Variants in RCN2 observed in about 807,000 individuals in gnomAD.
RCN2 encodes reticulocalbin-2.
Under a neutral mutation model 37.5 loss-of-function variants are expected in RCN2, and 23 were observed. That is an observed-to-expected ratio of 0.61 (90% CI 0.44 to 0.87). RCN2 has a LOEUF of 0.87. Among genes scored for constraint, RCN2 ranks in the 40% least tolerant of loss-of-function variants. RCN2 has a pLI of 0.00. For missense variants in RCN2, 381 were observed against 390.4 expected (o/e 0.98, Z 0.20); for synonymous variants, 140 against 144.6 (o/e 0.97, Z 0.23).
chr15:76,942,081 A>AT (rs945456852), intron 3 of RCN2: 2 of 155,172 alleles, frequency 1.3e-5, no homozygotes, highest in African/African-American at 4.8e-5. Context: ...ACAAGTTATT[A>AT]TTTTTTCTTT....
intron 6 of RCN2, chr15:76,948,759 G>C: frequency 1.9e-6 from 1 of 538,618 alleles, no homozygotes; most frequent in Non-Finnish European, 3.2e-6. Flanking sequence ...TAATTTGAGA[G>C]TACAGTGAAT....
rs144591032 is a variant in RCN2 at position 76,938,470 on chromosome 15, A to G, written c.447+2748A>G. 1.0e-3 allele frequency among the ~76,000 whole-genome samples: 156 copies of G among 152,326 alleles called. 1 individual carries two copies. The highest frequency in any genetic ancestry group is 3.7e-3 in the African/African-American group (153 of 41,576). On this transcript the variant is annotated intron_variant, in intron 3 of 6. Coordinates refer to ENST00000394885, the MANE Select transcript of RCN2 (RefSeq NM_002902.3). ...CTCACAAATATGGAGGGAGGAGTGC[A>G]TAACAAATTTACTATTGTAACCATT...
At position 76,953,907 on chromosome 15, in the gene RCN2, A is replaced by G. The variant is rs2075337477; in HGVS notation, c.*4685A>G. The G allele has an allele frequency of 6.6e-6, 1 of 151,782 alleles. No individual in the cohort carries two copies. The allele number at this position is 151,782 out of a possible 1,614,324, so 9.4% of individuals were successfully genotyped here. On this transcript the variant is annotated 3_prime_UTR_variant, in exon 7 of 7. Transcript: ENST00000394885. ...CAGGCGTGAGCCACCGCGCCCGACT[A>G]GTAATTCTATTTTTAATATTTTGAG...
rs1207378161 is a variant in RCN2 at position 76,951,145 on chromosome 15, T to C, written c.*1923T>C. ...CCAAAATCTATGCCAGAATAGATCA[T>C]CAGATATGGATTATATTTCAATCCT... is the stretch of plus-strand genomic sequence containing the variant. On this transcript the variant is annotated 3_prime_UTR_variant, in exon 7 of 7. Coordinates refer to ENST00000394885, the MANE Select transcript of RCN2 (RefSeq NM_002902.3). The C allele has an allele frequency of 6.6e-6, 1 of 152,276 alleles. No homozygotes were observed. The highest frequency in any genetic ancestry group is 1.5e-5 in the Non-Finnish European group (1 of 68,046). The allele number at this position is 152,276 out of a possible 1,614,324, so 9.4% of individuals were successfully genotyped here. A position where few individuals can be genotyped will look rare whatever the true frequency, so the allele number is the denominator to read the frequency against.
intron 2 of RCN2, 140 bp downstream of exon 2, chr15:76,932,606 A>G: frequency 1.6e-6 from 1 of 638,166 alleles, no homozygotes; most frequent in South Asian, 1.8e-5. Context: ...AATAGGCTTT[A>G]TACTTACAAA....
chr15:76,943,224 T>A, intron 3 of RCN2: 1 of 152,494 alleles, frequency 6.6e-6, no homozygotes, highest in East Asian at 1.9e-4. Flanking sequence ...TTTTGTTTGT[T>A]TTTTGAGTCA....
At chr15:76,942,495 C>G (rs73457178) in intron 3 of RCN2, 2 of 151,748 alleles carry the variant, frequency 1.3e-5, no homozygotes, top group African/African-American at 4.8e-5. Flanking sequence ...TGATAGCTGC[C>G]GAATCATTTT....
At chr15:76,936,151 T>A (rs910859192) in intron 3 of RCN2, among the ~76,000 whole-genome samples, 1 of 151,866 alleles carries the variant, frequency 6.6e-6, no homozygotes, top group African/African-American at 2.4e-5. Flanking sequence ...CAACTGAGAA[T>A]CGTAAGTATC....
chr15:76,932,847 GCTT>G (rs1178581570), intron 2 of RCN2, among the ~76,000 whole-genome samples: 2 of 152,094 alleles, frequency 1.3e-5, no homozygotes, highest in Non-Finnish European at 2.9e-5. Context: ...TTAGGAATTT[GCTT>G]CTTTTTTTAA....
intron 4 of RCN2, among the ~76,000 whole-genome samples, chr15:76,944,390 CTT>C (rs940947465): frequency 2.0e-5 from 3 of 152,080 alleles, no homozygotes; most frequent in Non-Finnish European, 4.4e-5. Context: ...CGTGAACACT[CTT>C]TTAGTTATTT....
chr15:76,932,111 G>C, intron 1 of RCN2, 126 bp downstream of exon 1: 1 of 965,166 alleles, frequency 1.0e-6, no homozygotes, highest in East Asian at 3.2e-5. Context: ...TGGGGGCCGG[G>C]CGGCGCGGCA....
rs2075332952 is a variant in RCN2, at chr15:76,953,585, ATAT to A, written c.*4364_*4366del. 1 of 19,380 alleles carries A rather than the reference ATAT, an allele frequency of 5.2e-5. No homozygotes were observed. Among genetic ancestry groups the A allele is most frequent in the Non-Finnish European group, 9.8e-5 (1 of 10,166 alleles). The allele number at this position is 19,380 out of a possible 1,614,324, so 1.2% of individuals were successfully genotyped here. ...TATATATATATATATATATATATAT[ATAT>A]ATATATTTTTTTTTTTTTTTTTTTT... is the stretch of plus-strand genomic sequence containing the variant. On this transcript the variant is annotated 3_prime_UTR_variant, in exon 7 of 7. Transcript: ENST00000394885.
At chr15:76,933,535 G>A (rs567939281) in intron 2 of RCN2, among the ~76,000 whole-genome samples, 2 of 152,280 alleles carry the variant, frequency 1.3e-5, no homozygotes, top group African/African-American at 4.8e-5. Context: ...GGAAGACTGC[G>A]TGGTACCTAT....
At chr15:76,943,909 C>G in intron 4 of RCN2, 38 bp downstream of exon 4, 1 of 1,177,574 alleles carries the variant, frequency 8.5e-7, no homozygotes. Flanking sequence ...TATTGAGTGA[C>G]CAAAACTTTA....
chr15:76,937,068 A>G (rs1040545966), intron 3 of RCN2, among the ~76,000 whole-genome samples: 1 of 152,232 alleles, frequency 6.6e-6, no homozygotes, highest in African/African-American at 2.4e-5. Context: ...ATTTTTACTT[A>G]GAATCCTCAA....
chr15:76,950,821 T>C lies in RCN2; in HGVS notation c.*1599T>C, dbSNP rs2075317634. 1 of 152,222 alleles carries C rather than the reference T, an allele frequency of 6.6e-6. No individual in the cohort carries two copies. The highest frequency in any genetic ancestry group is 2.4e-5 in the African/African-American group (1 of 41,454). The allele number at this position is 152,222 out of a possible 1,614,324, so 9.4% of individuals were successfully genotyped here. A position where few individuals can be genotyped will look rare whatever the true frequency, so the allele number is the denominator to read the frequency against. On this transcript the variant is annotated 3_prime_UTR_variant, in exon 7 of 7. Transcript: ENST00000394885. ...GGGCTCAACAAGTACCTATGACTAT[T>C]TGAGAAGACATGAAACTCTTCTCTG...
chr15:76,938,052 A>G (rs941543275), intron 3 of RCN2, among the ~76,000 whole-genome samples: 6 of 152,224 alleles, frequency 3.9e-5, no homozygotes, highest in Non-Finnish European at 2.9e-5. Flanking sequence ...TGATCAAATC[A>G]GGGTAATTAG....
At position 76,953,555 on chromosome 15, in the gene RCN2, C is replaced by CTATATATATATATATATATA. The variant is rs1284356930; in HGVS notation, c.*4353_*4372dup. 2 of 26,708 alleles carry CTATATATATATATATATATA rather than the reference C, an allele frequency of 7.5e-5. No homozygotes were observed. Among genetic ancestry groups the CTATATATATATATATATATA allele is most frequent in the South Asian group, 2.6e-3 (1 of 382 alleles). 1.7% of individuals were successfully genotyped at this position (26,708 alleles called of 1,614,324 possible). ...GGGATTGCTGGATCATATAGTAATT[C>CTATATATATATATATATATA]TATATATATATATATATATATATAT... On this transcript the variant is annotated 3_prime_UTR_variant, in exon 7 of 7. Transcript: ENST00000394885.
At chr15:76,944,280 C>T (rs755529073) in intron 4 of RCN2, among the ~76,000 whole-genome samples, 13 of 151,842 alleles carry the variant, frequency 8.6e-5, no homozygotes, top group Non-Finnish European at 1.5e-4. Context: ...CGCGCCCGGC[C>T]GAGATGTTTT....
Sources: gnomAD v4.1 joint callset for allele counts (sites outside exome capture counted in the v4.1 genomes callset) on GRCh38, gnomAD v4.1.1 for gene constraint, MANE v1.5 for transcripts, NCBI Gene and HGNC (gene_info 2026-07-23, HGNC 2026-07-21) for gene names.